The following CCDC60 variants were observed in gnomAD, a reference collection of about 807,000 sequenced individuals.
CCDC60 encodes coiled-coil domain containing 60.
In CCDC60, 54 loss-of-function variants were observed where a neutral mutation model predicts 63.5. That is an observed-to-expected ratio of 0.85 (90% confidence interval 0.68 to 1.07). CCDC60 has a LOEUF of 1.07. Ranked by LOEUF, CCDC60 falls within the 50% of genes least tolerant of loss-of-function variation. CCDC60 has a pLI of 0.00. For missense variants in CCDC60, 651 were observed against 684.3 expected, an observed-to-expected ratio of 0.95 and a Z score of 0.54; for synonymous variants, 206 against 238.8, an observed-to-expected ratio of 0.86 and a Z score of 1.27.
Position 119,458,730 on chromosome 12 carries a change from G to GTTTTGTTTTTGTTTTTGT in CCDC60, c.171-13246_171-13229dup, listed in dbSNP as rs571350129. 8.4e-3 allele frequency among the ~76,000 whole-genome samples: 1,279 copies of GTTTTGTTTTTGTTTTTGT among 151,386 alleles called. 20 individuals carry two copies. The highest frequency in any genetic ancestry group is 0.029 in the African/African-American group (1,172 of 40,920). ...ATAAGAATGTCCAATAGAGAGATTTGTTTTGTTTTTGTTTTTGTTTTTGTT... is the reference window on the plus strand; with the variant it reads ...ATAAGAATGTCCAATAGAGAGATTTGTTTTGTTTTTGTTTTTGTTTTTGTTTTTGTTTTTGTTTTTGTT... On this transcript the variant is annotated intron_variant, in intron 2 of 13. Coordinates refer to ENST00000327554, the MANE Select transcript of CCDC60 (RefSeq NM_178499.5).
chr12:119,449,404 T>A (rs1182246030), intron 2 of CCDC60, among the ~76,000 whole-genome samples: 2 of 152,074 alleles, frequency 1.3e-5, no homozygotes, highest in Admixed American at 6.5e-5. Flanking sequence ...TGGAAAAAAA[T>A]ATATATATTT....
chr12:119,462,364 G>C (rs1950870662), intron 2 of CCDC60, among the ~76,000 whole-genome samples: 1 of 152,122 alleles, frequency 6.6e-6, no homozygotes, highest in African/African-American at 2.4e-5. Flanking sequence ...AATCACATTA[G>C]GATTGTGTTT....
intron 3 of CCDC60, among the ~76,000 whole-genome samples, chr12:119,477,651 AAAAGGCCTTC>A (rs1951203953): frequency 6.6e-6 from 1 of 152,230 alleles, no homozygotes; most frequent in Non-Finnish European, 1.5e-5. Flanking sequence ...CTCAGAAACT[AAAAGGCCTTC>A]AGGTAACAGG....
intron 7 of CCDC60, among the ~76,000 whole-genome samples, chr12:119,509,152 C>G (rs2136448226): frequency 6.6e-6 from 1 of 152,298 alleles, no homozygotes; most frequent in East Asian, 1.9e-4. Context: ...CTCTTCACAC[C>G]TATTGCTTTT....
chr12:119,338,921 T>C (rs1441088570), intron 1 of CCDC60, among the ~76,000 whole-genome samples: 3 of 152,236 alleles, frequency 2.0e-5, no homozygotes, highest in Admixed American at 2.0e-4. Flanking sequence ...GCCATTTTCC[T>C]TTCTCACAGG....
At chr12:119,342,012 T>G (rs918569001) in intron 1 of CCDC60, among the ~76,000 whole-genome samples, 1 of 152,196 alleles carries the variant, frequency 6.6e-6, no homozygotes, top group African/African-American at 2.4e-5. Flanking sequence ...ATTAGGGTTG[T>G]TTTTGGCTGC....
chr12:119,362,218 T>G (rs900219386), intron 1 of CCDC60, among the ~76,000 whole-genome samples: 3 of 152,188 alleles, frequency 2.0e-5, no homozygotes, highest in Non-Finnish European at 2.9e-5. Flanking sequence ...GAGAAGGGGC[T>G]TAGGGGAGAC....
intron 1 of CCDC60, among the ~76,000 whole-genome samples, chr12:119,366,506 G>A (rs1955841866): frequency 6.6e-6 from 1 of 152,204 alleles, no homozygotes. Flanking sequence ...GTGGAGATGG[G>A]ATAGGGCACA....
At chr12:119,507,493 T>C (rs1267392323) in intron 7 of CCDC60, among the ~76,000 whole-genome samples, 1 of 142,314 alleles carries the variant, frequency 7.0e-6, no homozygotes, top group South Asian at 2.2e-4. Context: ...TACACATATA[T>C]ACATATATAC....
chr12:119,496,971 A>G (rs575638029), intron 5 of CCDC60, among the ~76,000 whole-genome samples: 1 of 152,300 alleles, frequency 6.6e-6, no homozygotes, highest in East Asian at 1.9e-4. Context: ...AAGGCAAAAA[A>G]AGCTTGTTCC....
At chr12:119,441,385 T>C (rs2136260532) in intron 2 of CCDC60, among the ~76,000 whole-genome samples, 1 of 152,328 alleles carries the variant, frequency 6.6e-6, no homozygotes, top group African/African-American at 2.4e-5. Context: ...TATAATTTTT[T>C]TGAACTTTTA....
chr12:119,337,277 T>C (rs1448851367), intron 1 of CCDC60, among the ~76,000 whole-genome samples: 1 of 151,878 alleles, frequency 6.6e-6, no homozygotes, highest in African/African-American at 2.4e-5. Flanking sequence ...AGCATAGCGG[T>C]GGGAGAATGA....
chr12:119,487,089 T>TG (rs1475789742), intron 4 of CCDC60, among the ~76,000 whole-genome samples: 2 of 152,050 alleles, frequency 1.3e-5, no homozygotes, highest in Non-Finnish European at 2.9e-5. Context: ...ACCTCGCTCT[T>TG]GGGGTGACCA....
chr12:119,358,016 G>T (rs1955735328), intron 1 of CCDC60, among the ~76,000 whole-genome samples: 1 of 152,058 alleles, frequency 6.6e-6, no homozygotes. Flanking sequence ...AGAAAGTGGG[G>T]GGCAAGGCGA....
intron 2 of CCDC60, among the ~76,000 whole-genome samples, chr12:119,434,386 G>T (rs1950289805): frequency 6.6e-6 from 1 of 152,010 alleles, no homozygotes; most frequent in Non-Finnish European, 1.5e-5. Context: ...ATATCACCAG[G>T]TGTACACCAG....
At chr12:119,515,417 C>T (rs1181950552) in intron 7 of CCDC60, among the ~76,000 whole-genome samples, 2 of 151,960 alleles carry the variant, frequency 1.3e-5, no homozygotes, top group African/African-American at 4.8e-5. Context: ...ACTTCCCAGG[C>T]TCAGGTGATT....
At chr12:119,470,595 G>A (rs775551058) in intron 2 of CCDC60, among the ~76,000 whole-genome samples, 1 of 152,140 alleles carries the variant, frequency 6.6e-6, no homozygotes, top group Non-Finnish European at 1.5e-5. Context: ...AATAAGCAGG[G>A]GTCAACTAAT....
intron 6 of CCDC60, among the ~76,000 whole-genome samples, chr12:119,503,670 A>C (rs891086278): frequency 2.0e-5 from 3 of 152,198 alleles, no homozygotes; most frequent in Non-Finnish European, 2.9e-5. Flanking sequence ...TCTCCTGTGC[A>C]ACCAAGAAAT....
At chr12:119,466,212 C>T (rs1490949921) in intron 2 of CCDC60, among the ~76,000 whole-genome samples, 1 of 152,160 alleles carries the variant, frequency 6.6e-6, no homozygotes, top group African/African-American at 2.4e-5. Flanking sequence ...GGCATCTCGT[C>T]CCACTTGCCT....
Sources: allele counts gnomAD v4.1 joint callset (sites outside exome capture counted in the v4.1 genomes callset), GRCh38; gene constraint gnomAD v4.1.1; transcripts MANE v1.5; gene names NCBI Gene and HGNC (gene_info 2026-07-23, HGNC 2026-07-21).